MPHOSPH8: variants seen among roughly 807,000 people sequenced by gnomAD.
MPHOSPH8 encodes M-phase phosphoprotein, mpp.
MPHOSPH8 carries 45 observed loss-of-function variants against 87.3 expected under a neutral mutation model. The ratio of observed to expected loss-of-function variants is 0.52; its 90% CI spans 0.41 to 0.66. The LOEUF (loss-of-function observed/expected upper bound fraction) is 0.66, where lower values mean the gene tolerates loss of function less well. MPHOSPH8 is among the 30% of genes least tolerant of loss of function. The pLI, the probability that MPHOSPH8 is intolerant of heterozygous loss-of-function variation, is 0.00. For missense variants in MPHOSPH8, 883 were observed against 1,020.2 expected (o/e 0.87, Z 1.83); for synonymous variants, 366 against 376.9 (o/e 0.97, Z 0.33).
In MPHOSPH8 at chr13:19,669,137, C is replaced by T. The variant is rs116337873; in HGVS notation, c.2329+606C>T. ...GTATTTAAGAACATATAGCCCTGCC[C>T]CTGAAAGAGCCGTTTGTAATATCTT... On this transcript the variant is annotated intron_variant, in intron 11 of 13. Coordinates refer to ENST00000361479, the MANE Select transcript of MPHOSPH8 (RefSeq NM_017520.4). Among the ~76,000 whole-genome samples, 758 of 152,246 alleles carry T rather than the reference C, an allele frequency of 5.0e-3. 8 individuals are homozygous for T. The highest frequency in any genetic ancestry group is 0.018 in the African/African-American group (735 of 41,530).
intron 12 of MPHOSPH8, among the ~76,000 whole-genome samples, chr13:19,670,624 A>C (rs866490485): frequency 2.7e-5 from 4 of 149,540 alleles, no homozygotes; most frequent in Middle Eastern, 3.4e-3. Context: ...ATAAATACTT[A>C]ATGATCTCAA....
intron 7 of MPHOSPH8, among the ~76,000 whole-genome samples, chr13:19,659,955 A>ATTTT (rs34817892): frequency 2.0e-4 from 12 of 59,130 alleles, no homozygotes; most frequent in Non-Finnish European, 2.9e-4. Flanking sequence ...ATATGTATGG[A>ATTTT]TTTTTTTTTT....
At chr13:19,665,383 C>A (rs528694233) in intron 9 of MPHOSPH8, among the ~76,000 whole-genome samples, 1 of 152,148 alleles carries the variant, frequency 6.6e-6, no homozygotes, top group Non-Finnish European at 1.5e-5. Flanking sequence ...TTGGTCCTTA[C>A]CAGAGTGGGC....
Position 19,671,921 on chromosome 13 carries a change from T to G in MPHOSPH8, c.*46T>G. On this transcript the variant is annotated 3_prime_UTR_variant, in exon 14 of 14. Transcript: ENST00000361479. ...GGAGTTCTCTTCAGACCGATTCCTA[T>G]ACTCTCTTTGACAGCAGTTTGGAAT... 1.3e-6 allele frequency: 2 copies of G among 1,587,746 alleles called. No individual in the cohort carries two copies. Among genetic ancestry groups the G allele is most frequent in the Non-Finnish European group, 1.7e-6 (2 of 1,156,760 alleles).
intron 12 of MPHOSPH8, 139 bp from the exon 13 acceptor site, chr13:19,671,067 G>A (rs766789520): frequency 8.7e-5 from 126 of 1,453,898 alleles, no homozygotes; most frequent in Middle Eastern, 2.5e-4. Flanking sequence ...GCGATTGTCC[G>A]CCTTGGCCTC....
At position 19,648,074 on chromosome 13, in the gene MPHOSPH8, C is replaced by T. The variant is rs532024602; in HGVS notation, c.1219-348C>T. Among the ~76,000 whole-genome samples the T allele has an allele frequency of 8.0e-5, 12 of 150,732 alleles. No individual in the cohort carries two copies. The East Asian group carries it at 1.9e-3, about 24-fold the overall frequency. On this transcript the variant is annotated intron_variant, in intron 3 of 13. Coordinates refer to ENST00000361479, the MANE Select transcript of MPHOSPH8 (RefSeq NM_017520.4). ...AAAAAAGATTATCCATGTAAAAGTACGAGGACCAGAAGGGGGAACATGGAG... is the reference window on the plus strand; with the variant it reads ...AAAAAAGATTATCCATGTAAAAGTATGAGGACCAGAAGGGGGAACATGGAG...
chr13:19,657,144 G>A (rs1199994593), intron 5 of MPHOSPH8, among the ~76,000 whole-genome samples: 4 of 124,824 alleles, frequency 3.2e-5, no homozygotes, highest in African/African-American at 9.6e-5. Context: ...AAAAAAAAAG[G>A]CCTGTATGGA....
In MPHOSPH8 at chr13:19,668,444, G is replaced by C; in HGVS notation, c.2242G>C (p.Val748Leu). 6.2e-7 allele frequency: 1 copy of C among 1,613,570 alleles called. No individual in the cohort carries two copies. Residue 748 changes from valine (V) to leucine (L), a missense_variant, in exon 11 of 14, where the codon GTT (valine) becomes CTT (leucine). By Grantham distance (32) the Val-to-Leu change is conservative. This residue lies in a region of MPHOSPH8 where 741 missense variants were observed against 841.5 expected (regional missense o/e 0.88). Coordinates refer to ENST00000361479, the MANE Select transcript of MPHOSPH8 (RefSeq NM_017520.4). ...FEARLALLEP[V>L]FPIACHRLCE... Reference sequence around the variant, plus strand: ...AGCTCGCCTTGCTCTGCTAGAACCAGTTTTTCCAATCGCATGTCATCGACT... The same window carrying C: ...AGCTCGCCTTGCTCTGCTAGAACCACTTTTTCCAATCGCATGTCATCGACT...
At chr13:19,664,401 AGGTG>A (rs1466466066) in intron 9 of MPHOSPH8, among the ~76,000 whole-genome samples, 1 of 152,080 alleles carries the variant, frequency 6.6e-6, no homozygotes, top group Non-Finnish European at 1.5e-5. Context: ...AGCATGAGAG[AGGTG>A]GGTGGGCACA....
intron 1 of MPHOSPH8, among the ~76,000 whole-genome samples, chr13:19,635,167 T>TA (rs1261023127): frequency 6.6e-6 from 1 of 152,234 alleles, no homozygotes; most frequent in Non-Finnish European, 1.5e-5. Context: ...GAGCCACTGT[T>TA]AGACTATTTT....
rs1165701622 is a variant in MPHOSPH8, at chr13:19,659,189, C to G, written c.1703-12C>G. The G allele has an allele frequency of 1.9e-5, 30 of 1,607,444 alleles. No homozygotes were observed. Among genetic ancestry groups the G allele is most frequent in the Non-Finnish European group, 2.5e-5 (30 of 1,177,968 alleles). On this transcript the variant is annotated splice_polypyrimidine_tract_variant and intron_variant, in intron 6 of 13. Transcript: ENST00000361479. Reference sequence around the variant, plus strand: ...ATTTATAAAATCTAACTTATTTTTTCTTTCATTTTAGATGTGTTAAGGGAT... The same window carrying G: ...ATTTATAAAATCTAACTTATTTTTTGTTTCATTTTAGATGTGTTAAGGGAT...
chr13:19,653,690 A>G (rs1308432935), intron 5 of MPHOSPH8, among the ~76,000 whole-genome samples: 1 of 152,244 alleles, frequency 6.6e-6, no homozygotes, highest in Non-Finnish European at 1.5e-5. Flanking sequence ...GCTGACTAGA[A>G]TAACAAGTTT....
At chr13:19,667,988 G>A (rs1381393459) in intron 10 of MPHOSPH8, among the ~76,000 whole-genome samples, 1 of 152,162 alleles carries the variant, frequency 6.6e-6, no homozygotes, top group Non-Finnish European at 1.5e-5. Flanking sequence ...GGTCACACGG[G>A]GGGTTTGCAT....
At chr13:19,659,388 G>T (rs1875381676) in intron 7 of MPHOSPH8, 99 bp downstream of exon 7, 1 of 978,192 alleles carries the variant, frequency 1.0e-6, no homozygotes, top group Admixed American at 2.4e-5. Flanking sequence ...AAAAGGCTGG[G>T]CGTGGTGGTG....
intron 5 of MPHOSPH8, among the ~76,000 whole-genome samples, chr13:19,654,560 TTA>T (rs1875045263): frequency 6.6e-6 from 1 of 152,154 alleles, no homozygotes; most frequent in Non-Finnish European, 1.5e-5. Context: ...GCTACCAAAC[TTA>T]TAAAAGTCGC....
intron 7 of MPHOSPH8, chr13:19,660,900 G>A (rs1875487619): frequency 1.0e-6 from 1 of 983,992 alleles, no homozygotes; most frequent in African/African-American, 1.8e-5. Context: ...AAAATTCACT[G>A]TTCATTTTGT....
At chr13:19,636,111 G>T (rs183858126) in intron 1 of MPHOSPH8, among the ~76,000 whole-genome samples, 21 of 152,174 alleles carry the variant, frequency 1.4e-4, no homozygotes, top group African/African-American at 5.1e-4. Flanking sequence ...CCAGTCTCAG[G>T]TATTTCTTCA....
At chr13:19,635,122 C>T (rs1001754284) in intron 1 of MPHOSPH8, among the ~76,000 whole-genome samples, 1 of 152,136 alleles carries the variant, frequency 6.6e-6, no homozygotes, top group Non-Finnish European at 1.5e-5. Context: ...TATAATTTCT[C>T]CAAATATATT....
intron 5 of MPHOSPH8, among the ~76,000 whole-genome samples, chr13:19,654,561 T>C (rs949472342): frequency 6.6e-6 from 1 of 152,156 alleles, no homozygotes; most frequent in Admixed American, 6.5e-5. Flanking sequence ...CTACCAAACT[T>C]ATAAAAGTCG....
Sources: allele counts gnomAD v4.1 joint callset (sites outside exome capture counted in the v4.1 genomes callset), GRCh38; gene constraint gnomAD v4.1.1; regional missense constraint gnomAD v4.1.1; transcripts MANE v1.5; gene names NCBI Gene and HGNC (gene_info 2026-07-23, HGNC 2026-07-21).